The following TAF6L variants were observed in gnomAD, a reference collection of about 807,000 sequenced individuals.
TAF6L encodes TAF6-like RNA polymerase II p300/CBP-associated factor-associated factor 65 kDa subunit 6L.
Under a neutral mutation model 57.3 loss-of-function variants are expected in TAF6L, and 34 were observed. The observed-to-expected ratio is 0.59, with a 90% CI of 0.45 to 0.79. TAF6L has a LOEUF of 0.79. Among genes scored for constraint, TAF6L ranks in the 30% least tolerant of loss-of-function variants. The pLI, the probability that TAF6L is intolerant of heterozygous loss-of-function variation, is 0.00. For missense variants in TAF6L, 782 were observed against 853.2 expected, an observed-to-expected ratio of 0.92 and a Z score of 1.04; for synonymous variants, 417 against 376.3, an observed-to-expected ratio of 1.11 and a Z score of -1.25.
rs1387546814 is a variant in TAF6L, at chr11:62,779,971, TATATA to T, written c.531+1009_531+1013del. On this transcript the variant is annotated intron_variant, in intron 6 of 10. Transcript: ENST00000294168. ...GTGAGCCTATATATATATATATATA[TATATA>T]TTTTTTTTTTTTTTTTTTTTAGAGA... 4.1e-3 allele frequency among the ~76,000 whole-genome samples: 288 copies of T among 70,922 alleles called. 1 individual carries two copies. Among genetic ancestry groups the T allele is most frequent in the African/African-American group, 0.011 (269 of 25,456 alleles). 46.5% of individuals were successfully genotyped at this position (70,922 alleles called of 152,430 possible). A position where few individuals can be genotyped will look rare whatever the true frequency, so the allele number is the denominator to read the frequency against.
chr11:62,771,960 G>C, intron 1 of TAF6L: 1 of 368,314 alleles, frequency 2.7e-6, no homozygotes, highest in South Asian at 2.0e-5. Context: ...ATGTCTTTGG[G>C]GTGGGATCCA....
chr11:62,786,252 C>G lies in TAF6L; in HGVS notation c.961-8C>G. On this transcript the variant is annotated splice_region_variant and splice_polypyrimidine_tract_variant and intron_variant, in intron 9 of 10. Coordinates refer to ENST00000294168, the MANE Select transcript of TAF6L (RefSeq NM_006473.4). ...ACATGCTAACTGTATTCCTTCTCTT[C>G]CTTCCAGGCAGTAGAACGAGTCCTG... 6.2e-7 allele frequency: 1 copy of G among 1,608,198 alleles called. No individual in the cohort carries two copies. The highest frequency in any genetic ancestry group is 1.7e-5 in the Admixed American group (1 of 59,914).
At chr11:62,777,890 C>T in intron 3 of TAF6L, 88 bp from the exon 4 acceptor site, 2 of 1,482,260 alleles carry the variant, frequency 1.3e-6, no homozygotes, top group Non-Finnish European at 1.8e-6. Flanking sequence ...CGTGGGCTCT[C>T]TGCTCTGGTC....
chr11:62,776,239 C>A, intron 2 of TAF6L, 145 bp from the exon 3 acceptor site: 1 of 809,982 alleles, frequency 1.2e-6, no homozygotes, highest in Non-Finnish European at 2.0e-6. Context: ...TGTTTTTGTA[C>A]AGGAGCAGAG....
chr11:62,775,680 G>T, intron 1 of TAF6L, 91 bp from the exon 2 acceptor site: 1 of 1,407,700 alleles, frequency 7.1e-7, no homozygotes, highest in Non-Finnish European at 9.5e-7. Context: ...CAGAGCACGA[G>T]CAGCAAGGCT....
chr11:62,784,049 C>T (rs1288395966), intron 9 of TAF6L, among the ~76,000 whole-genome samples: 5 of 1,334 alleles, frequency 3.7e-3, no homozygotes, highest in Non-Finnish European at 8.7e-3. Flanking sequence ...AGTGCAGTGG[C>T]GTGATCTCGG....
At position 62,772,169 on chromosome 11, in the gene TAF6L, A is replaced by G. The variant is rs151303110; in HGVS notation, c.-14+679A>G. ...ACGAAATACATAATAATATCTTATT[A>G]TTGAGAATATAGTGAAGTAATCCAT... On this transcript the variant is annotated intron_variant, in intron 1 of 10. Transcript: ENST00000294168. The G allele has an allele frequency of 1.4e-3, 622 of 456,208 alleles. 1 individual carries two copies. Among genetic ancestry groups the G allele is most frequent in the Non-Finnish European group, 2.2e-3 (490 of 226,950 alleles). 28.3% of individuals were successfully genotyped at this position (456,208 alleles called of 1,614,324 possible). A position where few individuals can be genotyped will look rare whatever the true frequency, so the allele number is the denominator to read the frequency against.
At chr11:62,778,748 T>C in intron 5 of TAF6L, 121 bp from the exon 6 acceptor site, 1 of 842,034 alleles carries the variant, frequency 1.2e-6, no homozygotes, top group South Asian at 1.4e-5. Context: ...GCCCTGGTTG[T>C]CCTGTCAGAA....
rs1233909517 is a variant in TAF6L at position 62,787,084 on chromosome 11, G to A, written c.1657G>A (p.Ala553Thr). The A allele has an allele frequency of 5.2e-6, 8 of 1,536,468 alleles. No individual in the cohort carries two copies. Among genetic ancestry groups the A allele is most frequent in the Middle Eastern group, 3.4e-4 (2 of 5,826 alleles). ...TRDVFQKSRF[A>T]PRGAPHFRFI... ...CGACGTTTTCCAGAAGAGCCGTTTC[G>A]CCCCGCGCGGCGCCCCGCACTTTCG... Residue 553 changes from alanine to threonine, a missense_variant, in exon 11 of 11, where the codon GCC becomes ACC. This residue lies in a region of TAF6L where 483 missense variants were observed against 445.1 expected (regional missense o/e 1.09). Transcript: ENST00000294168.
intron 5 of TAF6L, chr11:62,778,574 T>G: frequency 1.6e-6 from 1 of 623,486 alleles, no homozygotes. Flanking sequence ...CTGGGCAGCA[T>G]GCTGGGGCGG....
intron 6 of TAF6L, among the ~76,000 whole-genome samples, chr11:62,779,601 C>G (rs1158976617): frequency 6.6e-6 from 1 of 151,872 alleles, no homozygotes; most frequent in Non-Finnish European, 1.5e-5. Context: ...GTTGGGATGA[C>G]AGGTGTGAGC....
intron 9 of TAF6L, among the ~76,000 whole-genome samples, chr11:62,784,595 C>T (rs373717096): frequency 2.6e-5 from 4 of 151,886 alleles, no homozygotes; most frequent in South Asian, 2.1e-4. Context: ...TGTGAGCCAC[C>T]GTGCCTGGCC....
chr11:62,780,466 G>A (rs2084220375), intron 6 of TAF6L, among the ~76,000 whole-genome samples: 1 of 151,984 alleles, frequency 6.6e-6, no homozygotes, highest in Non-Finnish European at 1.5e-5. Context: ...AGCTGAGATT[G>A]TGCCATTGCA....
intron 6 of TAF6L, among the ~76,000 whole-genome samples, 180 bp downstream of exon 6, chr11:62,779,143 C>G (rs1421256857): frequency 1.3e-5 from 2 of 151,964 alleles, no homozygotes; most frequent in African/African-American, 4.8e-5. Context: ...GCCTCAGCCT[C>G]CTGAATAGCT....
intron 1 of TAF6L, among the ~76,000 whole-genome samples, chr11:62,772,622 G>A (rs1477601943): frequency 1.3e-5 from 2 of 151,548 alleles, no homozygotes; most frequent in South Asian, 2.1e-4. Flanking sequence ...CTGAGGTCAG[G>A]AGTTCCAGAC....
intron 1 of TAF6L, 139 bp from the exon 2 acceptor site, chr11:62,775,632 C>G (rs2084180520): frequency 4.6e-6 from 4 of 872,490 alleles, no homozygotes; most frequent in Admixed American, 3.0e-5. Flanking sequence ...GCCTCACTTT[C>G]CTCATCTGGG....
At chr11:62,771,943 C>G (rs899754333) in intron 1 of TAF6L, 2 of 360,242 alleles carry the variant, frequency 5.6e-6, no homozygotes, top group Non-Finnish European at 1.1e-5. Context: ...GGGTGGGTCT[C>G]CAATCCATGT....
Position 62,786,303 on chromosome 11 carries a change from C to G in TAF6L, c.1004C>G (p.Thr335Arg), listed in dbSNP as rs1188386848. ...VLYPHLSTYW[T>R]NLQAVLDDYS... ...TACCCACACCTGTCCACCTACTGGACAAACTTGCAGGCTGTGCTGGATGAT... is the reference window on the plus strand; with the variant it reads ...TACCCACACCTGTCCACCTACTGGAGAAACTTGCAGGCTGTGCTGGATGAT... The change falls in exon 10 of 11, where the codon ACA (threonine) becomes AGA (arginine). Residue 335 changes from threonine (T) to arginine (R), a missense_variant. By Grantham distance (71) the Thr-to-Arg change is moderately conservative. Around this residue, in one of 3 missense-constraint regions of TAF6L, gnomAD observed 483 missense variants for 445.1 expected, o/e 1.09. Transcript: ENST00000294168. 6.2e-7 allele frequency: 1 copy of G among 1,614,172 alleles called. No individual in the cohort carries two copies. The highest frequency in any genetic ancestry group is 2.2e-5 in the East Asian group (1 of 44,888).
rs2084181751 is a variant in TAF6L, at chr11:62,775,698, A to G, written c.-13-73A>G. 1.4e-5 allele frequency: 20 copies of G among 1,474,688 alleles called. No homozygotes were observed. The South Asian group carries it at 1.7e-4, about 13-fold the overall frequency. 91.4% of individuals were successfully genotyped at this position (1,474,688 alleles called of 1,614,324 possible). On this transcript the variant is annotated intron_variant, in intron 1 of 10. Transcript: ENST00000294168. ...AGCACGAGCAGCAAGGCTGGTGTGG[A>G]GGGTGTTGGATCACACTCCTGGGCT... is the stretch of plus-strand genomic sequence containing the variant.
Sources: allele counts gnomAD v4.1 joint callset (sites outside exome capture counted in the v4.1 genomes callset), GRCh38; gene constraint gnomAD v4.1.1; regional missense constraint gnomAD v4.1.1; transcripts MANE v1.5; gene names NCBI Gene and HGNC (gene_info 2026-07-23, HGNC 2026-07-21).